Variants in PPP3CC observed in about 807,000 individuals in gnomAD.
The protein encoded by PPP3CC is serine/threonine-protein phosphatase 2B catalytic subunit gamma isoform.
In PPP3CC, 35 loss-of-function variants were observed where a neutral mutation model predicts 60.3. The observed-to-expected ratio is 0.58, with a 90% CI of 0.44 to 0.77. The LOEUF is 0.77. Ranked by LOEUF, PPP3CC falls within the 30% of genes least tolerant of loss-of-function variation. PPP3CC has a pLI of 0.00. For synonymous variants in PPP3CC, 206 were observed against 224.3 expected (o/e 0.92, Z 0.73); for missense variants, 570 against 628.9 (o/e 0.91, Z 1.00).
At chr8:22,514,464 C>CT (rs1256823856) in intron 6 of PPP3CC, among the ~76,000 whole-genome samples, 2 of 150,746 alleles carry the variant, frequency 1.3e-5, no homozygotes, top group Non-Finnish European at 1.5e-5. Context: ...TCTAAACAAC[C>CT]TTTTTTTCTT....
At chr8:22,498,560 TATACATATATCTGTA>T (rs1838659386) in intron 4 of PPP3CC, among the ~76,000 whole-genome samples, 1 of 152,240 alleles carries the variant, frequency 6.6e-6, no homozygotes, top group Non-Finnish European at 1.5e-5. Context: ...ATAGTTCAGG[TATACATATATCTGTA>T]TATATTTTAC....
intron 13 of PPP3CC, among the ~76,000 whole-genome samples, 153 bp downstream of exon 13, chr8:22,539,651 G>C (rs1440353727): frequency 6.6e-6 from 1 of 152,192 alleles, no homozygotes; most frequent in Non-Finnish European, 1.5e-5. Flanking sequence ...AACGAAGCAG[G>C]TGTTTCCTTT....
Position 22,497,901 on chromosome 8 carries a change from A to G in PPP3CC, c.373-100A>G, listed in dbSNP as rs1260814584. ...TTCATTTTTCAATTTGGGAGTAACAATGAGATATGCCATTACAGCAAGTCA... is the reference window on the plus strand; with the variant it reads ...TTCATTTTTCAATTTGGGAGTAACAGTGAGATATGCCATTACAGCAAGTCA... On this transcript the variant is annotated intron_variant, in intron 3 of 13. Coordinates refer to ENST00000240139, the MANE Select transcript of PPP3CC (RefSeq NM_005605.5). 19 of 716,412 alleles carry G rather than the reference A, an allele frequency of 2.7e-5. No individual in the cohort carries two copies. In the South Asian group the frequency reaches 2.8e-4, roughly 11 times the overall value. 44.4% of individuals were successfully genotyped at this position (716,412 alleles called of 1,614,324 possible).
chr8:22,533,631 C>T (rs1586873640), intron 12 of PPP3CC, among the ~76,000 whole-genome samples: 1 of 151,760 alleles, frequency 6.6e-6, no homozygotes, highest in African/African-American at 2.4e-5. Context: ...TCGAGACCAG[C>T]CTGGCCAACA....
At chr8:22,507,243 T>G (rs1175026669) in intron 4 of PPP3CC, among the ~76,000 whole-genome samples, 2 of 152,012 alleles carry the variant, frequency 1.3e-5, no homozygotes, top group South Asian at 4.1e-4. Context: ...CAGATAATTT[T>G]GTTGAAAATT....
At chr8:22,486,169 T>C (rs2132488024) in intron 3 of PPP3CC, among the ~76,000 whole-genome samples, 1 of 152,334 alleles carries the variant, frequency 6.6e-6, no homozygotes, top group South Asian at 2.1e-4. Context: ...ATTCCTCTAC[T>C]GTTGGAAAAA....
At chr8:22,524,628 C>CTAGATCTCCTAT (rs1839492291) in intron 8 of PPP3CC, among the ~76,000 whole-genome samples, 3 of 152,160 alleles carry the variant, frequency 2.0e-5, no homozygotes, top group African/African-American at 7.2e-5. Context: ...TTCAAGGACT[C>CTAGATCTCCTAT]TTGTGGCCCT....
chr8:22,503,516 C>G (rs533170738), intron 4 of PPP3CC, among the ~76,000 whole-genome samples: 1 of 151,840 alleles, frequency 6.6e-6, no homozygotes, highest in Non-Finnish European at 1.5e-5. Flanking sequence ...ATTCTTTTGT[C>G]TTATCAGATT....
intron 8 of PPP3CC, 111 bp downstream of exon 8, chr8:22,522,860 A>T: frequency 1.3e-6 from 1 of 795,152 alleles, no homozygotes; most frequent in Non-Finnish European, 1.9e-6. Flanking sequence ...AATTTTAAAT[A>T]AGAAAAAAAG....
chr8:22,481,700 C>A (rs1357525529), intron 3 of PPP3CC, among the ~76,000 whole-genome samples: 3 of 152,070 alleles, frequency 2.0e-5, no homozygotes, highest in Non-Finnish European at 2.9e-5. Context: ...CCTAGCCCCC[C>A]ACCTACCAAT....
At chr8:22,511,287 TTTG>T (rs1022709358) in intron 5 of PPP3CC, 56 bp downstream of exon 5, 14 of 1,543,582 alleles carry the variant, frequency 9.1e-6, no homozygotes, top group East Asian at 2.3e-5. Flanking sequence ...GTTGGGTTTT[TTTG>T]TTGTTGTTGT....
rs776167089 is a variant in PPP3CC at position 22,540,758 on chromosome 8, C to A, written c.1495C>A (p.His499Asn). The A allele has an allele frequency of 2.3e-5, 37 of 1,613,786 alleles. No individual in the cohort carries two copies. The South Asian group carries it at 3.3e-4, about 14-fold the overall frequency. The change falls in exon 14 of 14, where the codon CAT becomes AAT. Residue 499 changes from histidine (H) to asparagine (N), a missense_variant. His to Asn is a moderately conservative substitution (Grantham distance 68). Transcript: ENST00000240139. ...PMKSVTSAHS[H>N]AAHRSDQGKK... is the part of the protein sequence containing the mutation. Reference sequence around the variant, plus strand: ...GAAATCTGTAACCTCAGCACACTCACATGCTGCGCACAGGAGCGACCAAGG... The same window carrying A: ...GAAATCTGTAACCTCAGCACACTCAAATGCTGCGCACAGGAGCGACCAAGG...
chr8:22,447,343 C>A (rs916173252), intron 1 of PPP3CC, among the ~76,000 whole-genome samples: 1 of 151,900 alleles, frequency 6.6e-6, no homozygotes, highest in African/African-American at 2.4e-5. Flanking sequence ...CCATGCCCGG[C>A]TAATTTTTTT....
chr8:22,525,519 TTTCTTTCTTTCTTTCTTTCTCTCC>T (rs1326655313), intron 8 of PPP3CC, among the ~76,000 whole-genome samples: 7 of 103,498 alleles, frequency 6.8e-5, no homozygotes, highest in African/African-American at 1.6e-4. Flanking sequence ...TCTTTCTTTC[TTTCTTTCTTTCTTTCTTTCTCTCC>T]CTCTCTCTCT....
intron 9 of PPP3CC, among the ~76,000 whole-genome samples, chr8:22,528,050 TAAC>T (rs1839606874): frequency 6.6e-6 from 1 of 152,240 alleles, no homozygotes; most frequent in Admixed American, 6.5e-5. Context: ...GATGTTAAAA[TAAC>T]ATAGTTACTT....
chr8:22,518,718 G>T (rs565296751), intron 6 of PPP3CC, among the ~76,000 whole-genome samples: 1 of 152,068 alleles, frequency 6.6e-6, no homozygotes, highest in Non-Finnish European at 1.5e-5. Flanking sequence ...ATGGAGTCTC[G>T]CTCTGTCGCC....
At chr8:22,470,530 A>G (rs141865150) in intron 1 of PPP3CC, among the ~76,000 whole-genome samples, 8 of 152,232 alleles carry the variant, frequency 5.3e-5, no homozygotes, top group Middle Eastern at 3.2e-3. Context: ...GATAAAGGAC[A>G]TGTACCCAGA....
chr8:22,520,300 G>A (rs1017671655), intron 6 of PPP3CC, among the ~76,000 whole-genome samples: 1 of 151,778 alleles, frequency 6.6e-6, no homozygotes, highest in Non-Finnish European at 1.5e-5. Flanking sequence ...AATGAGTCTT[G>A]GTGTTTAACT....
chr8:22,501,780 G>A (rs1031470817), intron 4 of PPP3CC, among the ~76,000 whole-genome samples: 1 of 152,160 alleles, frequency 6.6e-6, no homozygotes, highest in African/African-American at 2.4e-5. Context: ...GGATGCCAAA[G>A]GGGAGAGGAT....
Sources: allele counts gnomAD v4.1 joint callset (sites outside exome capture counted in the v4.1 genomes callset), GRCh38; gene constraint gnomAD v4.1.1; transcripts MANE v1.5; gene names NCBI Gene and HGNC (gene_info 2026-07-23, HGNC 2026-07-21).